Variants in EDNRA observed in about 807,000 individuals in gnomAD.
EDNRA encodes endothelin receptor type A, also known as endothelin-1 receptor.
Under a neutral mutation model 41.4 loss-of-function variants are expected in EDNRA, and 11 were observed. The ratio of observed to expected loss-of-function variants is 0.27; its 90% CI spans 0.17 to 0.44. The LOEUF (loss-of-function observed/expected upper bound fraction) is 0.44. Among genes scored for constraint, EDNRA ranks in the 20% least tolerant of loss-of-function variants. EDNRA has a pLI of 1.00. For synonymous variants in EDNRA, 172 were observed against 183.0 expected (o/e 0.94, Z 0.49); for missense variants, 294 against 531.0 (o/e 0.55, Z 4.39).
intron 2 of EDNRA, chr4:147,493,641 A>G (rs908738856): frequency 6.6e-6 from 1 of 152,192 alleles, no homozygotes; most frequent in Non-Finnish European, 1.5e-5. Flanking sequence ...AACTAGGTCT[A>G]GTTTTTATTG....
chr4:147,542,526 G>A lies in EDNRA; in HGVS notation c.1192G>A (p.Val398Ile). 1.2e-6 allele frequency: 2 copies of A among 1,614,038 alleles called. No individual in the cohort carries two copies. Among genetic ancestry groups the A allele is most frequent in the Non-Finnish European group, 1.7e-6 (2 of 1,179,998 alleles). Residue 398 changes from valine to isoleucine, a missense_variant, in exon 8 of 8, where the codon GTC (valine) becomes ATC (isoleucine). Transcript: ENST00000651419. ...CCAGTCCAAAAGTCTGATGACCTCG[G>A]TCCCCATGAACGGAACAAGCATCCA... is the stretch of plus-strand genomic sequence containing the variant. ...CYQSKSLMTS[V>I]PMNGTSIQWK... is the part of the protein sequence containing the mutation.
chr4:147,529,858 GATTGTTCCTA>G (rs2126469135), intron 3 of EDNRA, among the ~76,000 whole-genome samples: 1 of 152,300 alleles, frequency 6.6e-6, no homozygotes, highest in African/African-American at 2.4e-5. Context: ...TATCACAAAT[GATTGTTCCTA>G]ATTGTTCTTA....
In EDNRA at chr4:147,530,989, A is replaced by C. The variant is rs935131467; in HGVS notation, c.549-1517A>C. ...AGGAATGAGGCCACAAAAATACCAT[A>C]CCACGTCACAGGTCTCTTCTTAATA... On this transcript the variant is annotated intron_variant, in intron 3 of 7. Coordinates refer to ENST00000651419, the MANE Select transcript of EDNRA (RefSeq NM_001957.4). Among the ~76,000 whole-genome samples the C allele has an allele frequency of 5.3e-5, 8 of 152,218 alleles. No individual in the cohort carries two copies. The South Asian group carries it at 6.2e-4, about 12-fold the overall frequency.
At chr4:147,525,128 A>T (rs184016218) in intron 3 of EDNRA, among the ~76,000 whole-genome samples, 2 of 152,344 alleles carry the variant, frequency 1.3e-5, no homozygotes, top group East Asian at 3.9e-4. Context: ...CTTACATCCA[A>T]GTTCTATAGG....
chr4:147,491,752 C>T (rs1175869601), intron 2 of EDNRA: 1 of 152,302 alleles, frequency 6.6e-6, no homozygotes, highest in Middle Eastern at 3.4e-3. Flanking sequence ...TAAAAACACA[C>T]TTTTCTCATG....
At chr4:147,538,780 A>G (rs1016106594) in intron 5 of EDNRA, among the ~76,000 whole-genome samples, 2 of 152,146 alleles carry the variant, frequency 1.3e-5, no homozygotes, top group Admixed American at 6.5e-5. Flanking sequence ...GCCCCAGAAT[A>G]TTTTGAATGG....
intron 5 of EDNRA, among the ~76,000 whole-genome samples, chr4:147,536,353 A>G (rs10305920): frequency 0.34 from 51,798 of 152,058 alleles, 10,521 homozygotes; most frequent in African/African-American, 0.57. Flanking sequence ...AAAAGCATGT[A>G]ACTTTCTCCC....
rs1731238746 is a variant in EDNRA at position 147,544,938 on chromosome 4, A to T, written c.*2320A>T. ...CAGTGGCCCATAAGTGTAAAATAAAAGTTTACAGAAACCTTGCAAGTGTCT... is the reference window on the plus strand; with the variant it reads ...CAGTGGCCCATAAGTGTAAAATAAATGTTTACAGAAACCTTGCAAGTGTCT... On this transcript the variant is annotated 3_prime_UTR_variant, in exon 8 of 8. Transcript: ENST00000651419. 1 of 152,658 alleles carries T rather than the reference A, an allele frequency of 6.6e-6. No homozygotes were observed. Among genetic ancestry groups the T allele is most frequent in the Non-Finnish European group, 1.5e-5 (1 of 68,034 alleles). 9.5% of individuals were successfully genotyped at this position (152,658 alleles called of 1,614,324 possible).
rs1731151052 is a variant in EDNRA at position 147,542,715 on chromosome 4, T to A, written c.*97T>A. On this transcript the variant is annotated 3_prime_UTR_variant, in exon 8 of 8. Transcript: ENST00000651419. ...CCGGGAATCTCTTCTCTGATCCTTC[T>A]TCCTTAATTCACTCCCACACCCAAG... The A allele has an allele frequency of 6.8e-7, 1 of 1,469,630 alleles. No homozygotes were observed. The highest frequency in any genetic ancestry group is 2.1e-5 in the Admixed American group (1 of 47,582). The allele number at this position is 1,469,630 out of a possible 1,614,324, so 91.0% of individuals were successfully genotyped here.
At chr4:147,527,361 T>C (rs1172156655) in intron 3 of EDNRA, among the ~76,000 whole-genome samples, 1 of 152,208 alleles carries the variant, frequency 6.6e-6, no homozygotes, top group African/African-American at 2.4e-5. Flanking sequence ...AAGTAAATTA[T>C]ATCAAAATCT....
chr4:147,532,073 G>A (rs978537099), intron 3 of EDNRA, among the ~76,000 whole-genome samples: 1 of 148,470 alleles, frequency 6.7e-6, no homozygotes, highest in Non-Finnish European at 1.5e-5. Context: ...AGCACTTTGG[G>A]AGGCCGAGGC....
chr4:147,505,179 A>C (rs546304575), intron 2 of EDNRA, among the ~76,000 whole-genome samples: 1 of 147,262 alleles, frequency 6.8e-6, no homozygotes, highest in Admixed American at 6.8e-5. Flanking sequence ...ATATCACTAC[A>C]CCCTATCTGA....
chr4:147,488,043 A>G (rs1729006017), intron 2 of EDNRA: 1 of 152,214 alleles, frequency 6.6e-6, no homozygotes, highest in Non-Finnish European at 1.5e-5. Flanking sequence ...CAGCCATCAG[A>G]GTGTGGAGTA....
intron 5 of EDNRA, 63 bp from the exon 6 acceptor site, chr4:147,539,754 G>C (rs1000347580): frequency 2.4e-5 from 37 of 1,555,504 alleles, no homozygotes; most frequent in Non-Finnish European, 3.1e-5. Flanking sequence ...TGGTACTGTA[G>C]TTCTTGCATC....
rs1728919176 is a variant in EDNRA, at chr4:147,485,701, G to A, written c.20G>A (p.Arg7Lys). Residue 7 changes from arginine (R) to lysine (K), a missense_variant, in exon 2 of 8, where the codon AGG becomes AAG. Around this residue, in one of 3 missense-constraint regions of EDNRA, gnomAD observed 90 missense variants for 122.8 expected, o/e 0.73. Coordinates refer to ENST00000651419, the MANE Select transcript of EDNRA (RefSeq NM_001957.4). METLCL[R>K]ASFWLALVGC... ...CTCAAGATGGAAACCCTTTGCCTCA[G>A]GGCATCCTTTTGGCTGGCACTGGTT... 8.1e-6 allele frequency: 13 copies of A among 1,608,152 alleles called. No homozygotes were observed. The highest frequency in any genetic ancestry group is 1.3e-5 in the African/African-American group (1 of 74,958).
intron 2 of EDNRA, among the ~76,000 whole-genome samples, chr4:147,499,232 T>C (rs1271625599): frequency 6.6e-6 from 1 of 152,166 alleles, no homozygotes; most frequent in Non-Finnish European, 1.5e-5. Context: ...ATTTTTTGAA[T>C]TTTTGTAAAG....
intron 5 of EDNRA, among the ~76,000 whole-genome samples, chr4:147,536,329 G>C (rs1383921483): frequency 6.6e-6 from 1 of 152,124 alleles, no homozygotes; most frequent in Non-Finnish European, 1.5e-5. Flanking sequence ...GCTTGAAACT[G>C]TACCAGGACA....
At chr4:147,493,939 AG>A (rs1420740099) in intron 2 of EDNRA, 1 of 152,214 alleles carries the variant, frequency 6.6e-6, no homozygotes, top group Non-Finnish European at 1.5e-5. Flanking sequence ...ATATTATTTT[AG>A]GTTGTGCACA....
chr4:147,485,412 C>G (rs957422830), intron 1 of EDNRA, among the ~76,000 whole-genome samples, 200 bp from the exon 2 acceptor site: 4 of 152,142 alleles, frequency 2.6e-5, no homozygotes, highest in African/African-American at 9.7e-5. Flanking sequence ...TGGAGACTGA[C>G]ATAGAGGAGA....
Sources: allele counts gnomAD v4.1 joint callset (sites outside exome capture counted in the v4.1 genomes callset), GRCh38; gene constraint gnomAD v4.1.1; regional missense constraint gnomAD v4.1.1; transcripts MANE v1.5; gene names NCBI Gene and HGNC (gene_info 2026-07-23, HGNC 2026-07-21).